The following DPYSL4 variants were observed in gnomAD, a reference collection of about 807,000 sequenced individuals.
DPYSL4 encodes dihydropyrimidinase like 4, also known as dihydropyrimidinase-related protein 4.
DPYSL4 carries 43 observed loss-of-function variants against 63.4 expected under a neutral mutation model. The observed-to-expected ratio is 0.68, with a 90% confidence interval of 0.53 to 0.88. The LOEUF is 0.88. Among genes scored for constraint, DPYSL4 ranks in the 40% least tolerant of loss-of-function variants. The pLI, the probability that DPYSL4 is intolerant of heterozygous loss-of-function variation, is 0.00. For synonymous variants in DPYSL4, 353 were observed against 331.7 expected (o/e 1.06, Z -0.70); for missense variants, 733 against 819.5 (o/e 0.89, Z 1.29).
chr10:132,188,500 C>T (rs1368909773), intron 1 of DPYSL4, among the ~76,000 whole-genome samples: 1 of 152,218 alleles, frequency 6.6e-6, no homozygotes, highest in Non-Finnish European at 1.5e-5. Context: ...GATGCGGCCA[C>T]AGAGGCTCTG....
intron 2 of DPYSL4, among the ~76,000 whole-genome samples, chr10:132,191,381 G>T (rs1028209832): frequency 5.7e-5 from 8 of 141,006 alleles, no homozygotes; most frequent in African/African-American, 1.9e-4. Context: ...GTACACACTG[G>T]TCACGTGGTA....
intron 9 of DPYSL4, 71 bp from the exon 10 acceptor site, chr10:132,200,770 AG>A: frequency 6.4e-7 from 1 of 1,560,578 alleles, no homozygotes; most frequent in Non-Finnish European, 8.7e-7. Flanking sequence ...GTGCTGGCCA[AG>A]GGGGCTGGAG....
intron 8 of DPYSL4, among the ~76,000 whole-genome samples, chr10:132,200,109 A>G (rs2061992866): frequency 1.3e-5 from 2 of 152,172 alleles, no homozygotes; most frequent in Admixed American, 6.5e-5. Context: ...GGGTGTGGGC[A>G]GAGAGAGGAC....
Position 132,202,093 on chromosome 10 carries a change from A to G in DPYSL4, c.1258A>G (p.Ile420Val). 6.2e-7 allele frequency: 1 copy of G among 1,612,988 alleles called. No homozygotes were observed. Among genetic ancestry groups the G allele is most frequent in the Non-Finnish European group, 8.5e-7 (1 of 1,179,824 alleles). The change falls in exon 11 of 14, where the codon ATC (isoleucine) becomes GTC (valine). Residue 420 changes from isoleucine (I) to valine (V), a missense_variant. By Grantham distance (29) the Ile-to-Val change is conservative. Coordinates refer to ENST00000338492, the MANE Select transcript of DPYSL4 (RefSeq NM_006426.3). Reference sequence around the variant, plus strand: ...ATGGAACCCCAAGGCCACCAAGATCATCTCTGCCAAGACCCACAATCTGGT... The same window carrying G: ...ATGGAACCCCAAGGCCACCAAGATCGTCTCTGCCAAGACCCACAATCTGGT... ...VIWNPKATKIISAKTHNLNVE... is the reference protein window; with the variant it reads ...VIWNPKATKIVSAKTHNLNVE...
intron 2 of DPYSL4, 195 bp from the exon 3 acceptor site, chr10:132,192,463 C>G (rs1049347113): frequency 7.7e-7 from 1 of 1,292,074 alleles, no homozygotes; most frequent in Non-Finnish European, 9.8e-7. Flanking sequence ...CTGCAGTGAC[C>G]GTCCTGAGCT....
In DPYSL4 at chr10:132,205,221, G is replaced by GC. The variant is rs2062080945; in HGVS notation, c.*294dup. 7 of 271,860 alleles carry GC rather than the reference G, an allele frequency of 2.6e-5. No homozygotes were observed. The East Asian group carries it at 4.3e-4, about 17-fold the overall frequency. The allele number at this position is 271,860 out of a possible 1,614,324, so 16.8% of individuals were successfully genotyped here. On this transcript the variant is annotated 3_prime_UTR_variant, in exon 14 of 14. Transcript: ENST00000338492. ...GCCCAGGCACCCCAGTGCCCGCTGG[G>GC]CCCAGCCTGGGGACAGGGAACCTGC...
intron 2 of DPYSL4, among the ~76,000 whole-genome samples, chr10:132,191,400 G>A (rs1289554974): frequency 1.5e-5 from 2 of 132,120 alleles, no homozygotes; most frequent in African/African-American, 2.8e-5. Flanking sequence ...TATCCAGGCA[G>A]GTGCAAATAG....
chr10:132,190,649 T>C, intron 1 of DPYSL4, 98 bp from the exon 2 acceptor site: 1 of 1,223,592 alleles, frequency 8.2e-7, no homozygotes. Context: ...AAATTTTGCC[T>C]GAATGTTTCA....
At position 132,202,726 on chromosome 10, in the gene DPYSL4, G is replaced by A; in HGVS notation, c.1362G>A (p.Leu454=). The A allele has an allele frequency of 6.2e-7, 1 of 1,613,444 alleles. No homozygotes were observed. The highest frequency in any genetic ancestry group is 1.3e-5 in the African/African-American group (1 of 75,074). ...TCATAAGTCAGGGCCGAGTGGCGCT[G>A]GAGGACGGGAAGATGTTTGTCACCC... ...AVVISQGRVA[L]EDGKMFVTPG... is the part of the protein sequence containing the mutation. The change falls in exon 12 of 14, where the codon CTG becomes CTA. Residue 454 remains leucine, a synonymous_variant. Coordinates refer to ENST00000338492, the MANE Select transcript of DPYSL4 (RefSeq NM_006426.3).
intron 3 of DPYSL4, among the ~76,000 whole-genome samples, chr10:132,194,210 G>C (rs2061912055): frequency 6.6e-6 from 1 of 152,248 alleles, no homozygotes; most frequent in South Asian, 2.1e-4. Context: ...GGAGGGCTGT[G>C]CTGGAGGAAG....
At chr10:132,188,865 A>G (rs2061837054) in intron 1 of DPYSL4, among the ~76,000 whole-genome samples, 1 of 152,212 alleles carries the variant, frequency 6.6e-6, no homozygotes, top group African/African-American at 2.4e-5. Context: ...TTCTTAGCCT[A>G]GGGCTGTATG....
At chr10:132,189,081 C>T (rs1173977896) in intron 1 of DPYSL4, among the ~76,000 whole-genome samples, 1 of 152,256 alleles carries the variant, frequency 6.6e-6, no homozygotes, top group African/African-American at 2.4e-5. Context: ...GTTTAATGCT[C>T]TTGGCTTCAG....
intron 1 of DPYSL4, among the ~76,000 whole-genome samples, chr10:132,188,938 G>A (rs1167506866): frequency 2.0e-5 from 3 of 152,216 alleles, no homozygotes; most frequent in Admixed American, 6.5e-5. Flanking sequence ...TAGACTATGG[G>A]GTAGAGGTTG....
intron 8 of DPYSL4, 55 bp from the exon 9 acceptor site, chr10:132,200,301 G>A: frequency 6.2e-7 from 1 of 1,601,846 alleles, no homozygotes; most frequent in South Asian, 1.1e-5. Context: ...AGTTCTCGGG[G>A]CCCCAGGGGG....
At chr10:132,192,183 G>A (rs2061887425) in intron 2 of DPYSL4, 1 of 359,836 alleles carries the variant, frequency 2.8e-6, no homozygotes, top group Admixed American at 6.4e-5. Context: ...TAAGCTGGTG[G>A]CCACTGTCAG....
chr10:132,187,030 T>G lies in DPYSL4; in HGVS notation c.-34T>G, dbSNP rs1314565581. 1.6e-5 allele frequency: 3 copies of G among 187,086 alleles called. No individual in the cohort carries two copies. The highest frequency in any genetic ancestry group is 1.6e-5 in the Non-Finnish European group (2 of 128,280). 11.6% of individuals were successfully genotyped at this position (187,086 alleles called of 1,614,324 possible). On this transcript the variant is annotated 5_prime_UTR_variant, in exon 1 of 14. Coordinates refer to ENST00000338492, the MANE Select transcript of DPYSL4 (RefSeq NM_006426.3). ...GCCCGCCCGCCCGCCCGCCCCCGCTTGTGCCGCCCCTACCAGAGACCCCCA... is the reference window on the plus strand; with the variant it reads ...GCCCGCCCGCCCGCCCGCCCCCGCTGGTGCCGCCCCTACCAGAGACCCCCA...
intron 12 of DPYSL4, among the ~76,000 whole-genome samples, chr10:132,203,215 C>T (rs1035346734): frequency 8.5e-5 from 13 of 152,296 alleles, no homozygotes; most frequent in African/African-American, 2.6e-4. Flanking sequence ...CAGACGTGCA[C>T]GCTGATTTGT....
At chr10:132,191,968 G>T (rs55671154) in intron 2 of DPYSL4, among the ~76,000 whole-genome samples, 4 of 108,570 alleles carry the variant, frequency 3.7e-5, no homozygotes, top group Non-Finnish European at 5.8e-5. Flanking sequence ...TTCCCAGCTC[G>T]TGTGTACACG....
chr10:132,202,782 C>A lies in DPYSL4; in HGVS notation c.1418C>A (p.Thr473Lys), dbSNP rs2062036653. ...PGAGRFVPRK[T>K]FPDFVYKRIK... is the part of the protein sequence containing the mutation. ...GCGGGCCGCTTCGTCCCTCGGAAAA[C>A]ATTCCCGGACTTTGTCTACAAGAGG... is the stretch of plus-strand genomic sequence containing the variant. The change falls in exon 12 of 14, where the codon ACA becomes AAA. Residue 473 changes from threonine to lysine, a missense_variant. Coordinates refer to ENST00000338492, the MANE Select transcript of DPYSL4 (RefSeq NM_006426.3). The A allele has an allele frequency of 1.2e-6, 2 of 1,610,646 alleles. No homozygotes were observed. The highest frequency in any genetic ancestry group is 1.7e-6 in the Non-Finnish European group (2 of 1,178,584).
Sources: gnomAD v4.1 joint callset for allele counts (sites outside exome capture counted in the v4.1 genomes callset) on GRCh38, gnomAD v4.1.1 for gene constraint, MANE v1.5 for transcripts, NCBI Gene and HGNC (gene_info 2026-07-23, HGNC 2026-07-21) for gene names.